Variants in NBEA observed in about 807,000 individuals in gnomAD.
NBEA encodes lysosomal-trafficking regulator 2.
NBEA carries 44 observed loss-of-function variants against 343.4 expected under a neutral mutation model. The observed-to-expected ratio is 0.13, with a 90% CI of 0.10 to 0.16. NBEA has a LOEUF of 0.16. Among genes scored for constraint, NBEA ranks in the 10% least tolerant of loss-of-function variants. The pLI, the probability that NBEA is intolerant of heterozygous loss-of-function variation, is 1.00. For missense variants in NBEA, 2,555 were observed against 3,631.3 expected (o/e 0.70, Z 7.62); for synonymous variants, 1,175 against 1,238.7 (o/e 0.95, Z 1.08).
At chr13:35,028,397 C>A (rs764944031) in intron 1 of NBEA, among the ~76,000 whole-genome samples, 1 of 151,748 alleles carries the variant, frequency 6.6e-6, no homozygotes, top group African/African-American at 2.4e-5. Flanking sequence ...TTTACATAGA[C>A]AATTAATTTT....
intron 38 of NBEA, among the ~76,000 whole-genome samples, chr13:35,370,667 C>A (rs1009609647): frequency 2.6e-5 from 4 of 151,920 alleles, no homozygotes; most frequent in African/African-American, 9.7e-5. Flanking sequence ...ATAGTGGTAA[C>A]ATTTGAGTTC....
At chr13:35,272,528 G>A (rs2034246402) in intron 34 of NBEA, among the ~76,000 whole-genome samples, 1 of 152,078 alleles carries the variant, frequency 6.6e-6, no homozygotes, top group Non-Finnish European at 1.5e-5. Context: ...ATGTAAACGG[G>A]CTAAATGCCC....
intron 38 of NBEA, among the ~76,000 whole-genome samples, chr13:35,416,037 T>C (rs2043885563): frequency 6.6e-6 from 1 of 152,160 alleles, no homozygotes; most frequent in Non-Finnish European, 1.5e-5. Flanking sequence ...TCCCTGTTTG[T>C]TTGTTATTGG....
intron 38 of NBEA, among the ~76,000 whole-genome samples, chr13:35,405,629 G>A (rs1003815654): frequency 1.1e-4 from 16 of 152,074 alleles, no homozygotes; most frequent in African/African-American, 3.9e-4. Flanking sequence ...ATTTTGCTGT[G>A]ATAGACGTAG....
intron 1 of NBEA, among the ~76,000 whole-genome samples, chr13:35,016,177 A>G: frequency 6.6e-6 from 1 of 152,122 alleles, no homozygotes; most frequent in Non-Finnish European, 1.5e-5. Context: ...CTTTGATGTG[A>G]TTGAGTTTAT....
intron 49 of NBEA, among the ~76,000 whole-genome samples, chr13:35,630,655 C>G (rs144873914): frequency 6.6e-6 from 1 of 152,280 alleles, no homozygotes; most frequent in East Asian, 1.9e-4. Context: ...TCTCCCCAGA[C>G]CCCTTGCCCA....
intron 1 of NBEA, among the ~76,000 whole-genome samples, chr13:34,979,403 C>A (rs2060282941): frequency 6.6e-6 from 1 of 151,928 alleles, no homozygotes. Flanking sequence ...ACCTGTAATC[C>A]CAGTTGCTTG....
chr13:35,460,845 C>T (rs1026609894), intron 40 of NBEA, among the ~76,000 whole-genome samples: 1 of 152,180 alleles, frequency 6.6e-6, no homozygotes, highest in African/African-American at 2.4e-5. Context: ...TTATTTTATA[C>T]AGTCATGGAG....
Position 35,628,260 on chromosome 13 carries a change from A to G in NBEA, c.7617+12A>G, listed in dbSNP as rs1159000978. 7 of 1,541,696 alleles carry G rather than the reference A, an allele frequency of 4.5e-6. No individual in the cohort carries two copies. Among genetic ancestry groups the G allele is most frequent in the Non-Finnish European group, 4.4e-6 (5 of 1,143,504 alleles). ...CTGTGCTCAGGGAGGTAGGTGTTAA[A>G]TCCCATATTATTCCAAAAATTTCTG... On this transcript the variant is annotated intron_variant, in intron 49 of 58. Transcript: ENST00000379939.
intron 45 of NBEA, among the ~76,000 whole-genome samples, chr13:35,575,935 A>T (rs1246074663): frequency 6.6e-6 from 1 of 152,114 alleles, no homozygotes; most frequent in African/African-American, 2.4e-5. Flanking sequence ...CAGTTATCTT[A>T]TAGAACATAA....
At chr13:35,594,934 T>C (rs540297654) in intron 47 of NBEA, among the ~76,000 whole-genome samples, 37 of 148,882 alleles carry the variant, frequency 2.5e-4, no homozygotes, top group African/African-American at 8.3e-4. Flanking sequence ...CTGCTCACTG[T>C]TGTTTGACAT....
intron 35 of NBEA, among the ~76,000 whole-genome samples, chr13:35,307,909 A>G (rs1241597191): frequency 2.0e-5 from 3 of 152,068 alleles, no homozygotes; most frequent in Admixed American, 2.0e-4. Context: ...TGAAAGTTTC[A>G]GTAAGTTCTG....
chr13:35,196,345 G>T, intron 31 of NBEA, 43 bp downstream of exon 31: 2 of 1,499,864 alleles, frequency 1.3e-6, no homozygotes, highest in Non-Finnish European at 1.8e-6. Context: ...ATACATAAAA[G>T]GAAAATTAGA....
chr13:35,455,124 T>C (rs2046500924), intron 40 of NBEA, among the ~76,000 whole-genome samples: 1 of 151,900 alleles, frequency 6.6e-6, no homozygotes, highest in African/African-American at 2.4e-5. Context: ...TTTTAGAATA[T>C]ATATGAAAGA....
chr13:35,062,210 C>T (rs1342707511), intron 8 of NBEA, among the ~76,000 whole-genome samples: 2 of 151,444 alleles, frequency 1.3e-5, no homozygotes, highest in Non-Finnish European at 3.0e-5. Context: ...GATGGCAATT[C>T]TAGAACTGAA....
intron 49 of NBEA, among the ~76,000 whole-genome samples, chr13:35,638,987 G>T (rs1451361378): frequency 6.6e-6 from 1 of 152,142 alleles, no homozygotes; most frequent in Non-Finnish European, 1.5e-5. Flanking sequence ...AAGAAACCAA[G>T]AATTAAGGCA....
At chr13:35,316,557 T>A (rs1266110786) in intron 36 of NBEA, among the ~76,000 whole-genome samples, 1 of 152,206 alleles carries the variant, frequency 6.6e-6, no homozygotes, top group African/African-American at 2.4e-5. Context: ...TCAACAGTGC[T>A]GCAGTAAACA....
intron 46 of NBEA, among the ~76,000 whole-genome samples, chr13:35,586,238 C>G (rs1159877236): frequency 6.6e-6 from 1 of 152,118 alleles, no homozygotes; most frequent in Non-Finnish European, 1.5e-5. Context: ...TAGGCATTCT[C>G]TCCATTATGG....
chr13:35,509,730 G>A (rs991847521), intron 41 of NBEA, among the ~76,000 whole-genome samples: 16 of 152,152 alleles, frequency 1.1e-4, no homozygotes, highest in South Asian at 4.1e-4. Flanking sequence ...AAAATTAGGA[G>A]AGTGGTAGTG....
Sources: gnomAD v4.1 joint callset for allele counts (sites outside exome capture counted in the v4.1 genomes callset) on GRCh38, gnomAD v4.1.1 for gene constraint, MANE v1.5 for transcripts, NCBI Gene and HGNC (gene_info 2026-07-23, HGNC 2026-07-21) for gene names.